Variants in THSD7B observed in about 807,000 individuals in gnomAD.
The protein encoded by THSD7B is thrombospondin type-1 domain-containing protein 7B.
Under a neutral mutation model 213.6 loss-of-function variants are expected in THSD7B, and 138 were observed. That is an observed-to-expected ratio of 0.65 (90% CI 0.56 to 0.74). The LOEUF (loss-of-function observed/expected upper bound fraction) is 0.74, where lower values mean the gene tolerates loss of function less well. Ranked by LOEUF, THSD7B falls within the 30% of genes least tolerant of loss-of-function variation. The pLI is 0.00. For synonymous variants in THSD7B, 742 were observed against 687.0 expected (o/e 1.08, Z -1.25); for missense variants, 1,931 against 1,991.5 (o/e 0.97, Z 0.58).
At chr2:137,470,506 T>C (rs1015760088) in intron 15 of THSD7B, among the ~76,000 whole-genome samples, 2 of 152,166 alleles carry the variant, frequency 1.3e-5, no homozygotes, top group African/African-American at 2.4e-5. Context: ...AATCTTAATA[T>C]AACACCTGGC....
At chr2:137,029,140 A>G (rs1686612155) in intron 2 of THSD7B, among the ~76,000 whole-genome samples, 1 of 138,642 alleles carries the variant, frequency 7.2e-6, no homozygotes, top group Non-Finnish European at 1.5e-5. Flanking sequence ...GTTTAGTGGC[A>G]TGATCTCGGC....
At chr2:137,175,608 C>T (rs1411853448) in intron 7 of THSD7B, among the ~76,000 whole-genome samples, 1 of 152,132 alleles carries the variant, frequency 6.6e-6, no homozygotes, top group Non-Finnish European at 1.5e-5. Flanking sequence ...TTCTAGGGGT[C>T]TTTGCCTTAA....
At chr2:136,906,554 T>A (rs1235825077) in intron 2 of THSD7B, 1 of 152,128 alleles carries the variant, frequency 6.6e-6, no homozygotes, top group Non-Finnish European at 1.5e-5. Flanking sequence ...TCGTTGATGA[T>A]GTTAACAAAA....
chr2:137,640,957 C>T (rs1316331120), intron 20 of THSD7B, among the ~76,000 whole-genome samples: 1 of 152,158 alleles, frequency 6.6e-6, no homozygotes, highest in East Asian at 1.9e-4. Flanking sequence ...AGTTAGTTTA[C>T]CACCAAATCT....
intron 12 of THSD7B, among the ~76,000 whole-genome samples, chr2:137,337,300 C>G (rs186288757): frequency 6.6e-5 from 10 of 152,154 alleles, no homozygotes; most frequent in Admixed American, 2.0e-4. Context: ...TGGGACAGTT[C>G]TTCACTCTTT....
At chr2:137,139,041 G>A (rs1231799057) in intron 5 of THSD7B, among the ~76,000 whole-genome samples, 1 of 151,800 alleles carries the variant, frequency 6.6e-6, no homozygotes, top group African/African-American at 2.4e-5. Context: ...AATTTTTTCT[G>A]TTCTATCACT....
At chr2:137,341,621 A>G (rs1206467582) in intron 12 of THSD7B, among the ~76,000 whole-genome samples, 1 of 151,642 alleles carries the variant, frequency 6.6e-6, no homozygotes, top group Non-Finnish European at 1.5e-5. Flanking sequence ...TTAAGTGTTT[A>G]ATCCATTTAG....
intron 2 of THSD7B, among the ~76,000 whole-genome samples, chr2:136,900,119 C>T (rs1361270237): frequency 6.6e-6 from 1 of 152,152 alleles, no homozygotes; most frequent in African/African-American, 2.4e-5. Context: ...CAAAGAGAAT[C>T]CGATCTGAAC....
At position 137,563,316 on chromosome 2, in the gene THSD7B, C is replaced by A; in HGVS notation, c.3234C>A (p.Ser1078=). 6.2e-7 allele frequency: 1 copy of A among 1,613,296 alleles called. No individual in the cohort carries two copies. The highest frequency in any genetic ancestry group is 1.1e-5 in the South Asian group (1 of 91,038). ...SSCKINNELR[S]LRCGGGTQSR... is the part of the protein sequence containing the mutation. Reference sequence around the variant, plus strand: ...GCAAAATCAACAATGAGCTGAGGTCCCTGCGCTGTGGAGGAGGAACACAAT... The same window carrying A: ...GCAAAATCAACAATGAGCTGAGGTCACTGCGCTGTGGAGGAGGAACACAAT... The change falls in exon 16 of 28, where the codon TCC becomes TCA. Residue 1078 remains serine (S), a synonymous_variant. Transcript: ENST00000409968.
At position 137,329,899 on chromosome 2, in the gene THSD7B, C is replaced by T. The variant is rs1396245901; in HGVS notation, c.2500+53873C>T. On this transcript the variant is annotated intron_variant, in intron 12 of 27. Coordinates refer to ENST00000409968, the MANE Select transcript of THSD7B (RefSeq NM_001316349.2). ...TTGTGGCAGCCCCTGTCATCACAGG[C>T]CTGAAGGCCTAGGAGGGAAAAATGG... 2.0e-5 allele frequency among the ~76,000 whole-genome samples: 3 copies of T among 152,132 alleles called. No homozygotes were observed. In the East Asian group the frequency reaches 5.8e-4, roughly 29 times the overall value.
chr2:137,456,480 G>A (rs1268757144), intron 15 of THSD7B, among the ~76,000 whole-genome samples: 1 of 152,112 alleles, frequency 6.6e-6, no homozygotes, highest in Non-Finnish European at 1.5e-5. Context: ...ATCAGTGTTG[G>A]CCTCTTGCAT....
intron 17 of THSD7B, among the ~76,000 whole-genome samples, chr2:137,609,446 T>C (rs1440532269): frequency 6.6e-6 from 1 of 152,086 alleles, no homozygotes; most frequent in Non-Finnish European, 1.5e-5. Flanking sequence ...GTCATGCAGG[T>C]ACTGGAGGAA....
intron 3 of THSD7B, among the ~76,000 whole-genome samples, chr2:137,062,067 T>C (rs116223383): frequency 6.6e-6 from 1 of 151,898 alleles, no homozygotes; most frequent in Non-Finnish European, 1.5e-5. Flanking sequence ...TTTGTGTGTT[T>C]TGCTAGATTT....
chr2:137,286,345 A>C (rs1165673685), intron 12 of THSD7B, among the ~76,000 whole-genome samples: 1 of 152,128 alleles, frequency 6.6e-6, no homozygotes, highest in Non-Finnish European at 1.5e-5. Context: ...TCTGGAAAAC[A>C]CATAGAAATA....
chr2:136,811,737 G>A (rs942256353), intron 1 of THSD7B, among the ~76,000 whole-genome samples: 7 of 152,182 alleles, frequency 4.6e-5, no homozygotes, highest in Admixed American at 1.3e-4. Context: ...TTATTTCACC[G>A]TCGGGAAATT....
At chr2:136,783,225 CT>C (rs1434393000) in intron 1 of THSD7B, among the ~76,000 whole-genome samples, 2 of 152,272 alleles carry the variant, frequency 1.3e-5, no homozygotes, top group Non-Finnish European at 2.9e-5. Flanking sequence ...ACCCTTATAC[CT>C]GCCGTATACC....
chr2:136,939,789 G>A (rs1684790070), intron 2 of THSD7B, among the ~76,000 whole-genome samples: 1 of 152,036 alleles, frequency 6.6e-6, no homozygotes, highest in Non-Finnish European at 1.5e-5. Context: ...CATCCATCTT[G>A]TCAGTGTGCA....
At chr2:137,265,289 G>A (rs1037776384) in intron 10 of THSD7B, among the ~76,000 whole-genome samples, 2 of 152,242 alleles carry the variant, frequency 1.3e-5, no homozygotes, top group East Asian at 3.9e-4. Flanking sequence ...AGTTAGAATG[G>A]CAATCATTAA....
At chr2:137,498,828 AGT>A (rs1470343090) in intron 15 of THSD7B, among the ~76,000 whole-genome samples, 3 of 152,190 alleles carry the variant, frequency 2.0e-5, no homozygotes, top group Non-Finnish European at 4.4e-5. Flanking sequence ...CAGAGGCCTA[AGT>A]GAGAGTGAGC....
Sources: allele counts gnomAD v4.1 joint callset (sites outside exome capture counted in the v4.1 genomes callset), GRCh38; gene constraint gnomAD v4.1.1; transcripts MANE v1.5; gene names NCBI Gene and HGNC (gene_info 2026-07-23, HGNC 2026-07-21).